The following STXBP6 variants were observed in gnomAD, a reference collection of about 807,000 sequenced individuals.
The protein encoded by STXBP6 is syntaxin binding protein 6.
Under a neutral mutation model 26.9 loss-of-function variants are expected in STXBP6, and 21 were observed. The ratio of observed to expected loss-of-function variants is 0.78; its 90% confidence interval spans 0.55 to 1.12. STXBP6 has a LOEUF of 1.12. STXBP6 is among the 50% of genes most tolerant of loss of function. The pLI is 0.00. For synonymous variants in STXBP6, 97 were observed against 92.6 expected (o/e 1.05, Z -0.27); for missense variants, 232 against 257.9 (o/e 0.90, Z 0.69).
At chr14:24,878,088 T>G (rs1213803798) in intron 2 of STXBP6, among the ~76,000 whole-genome samples, 2 of 152,168 alleles carry the variant, frequency 1.3e-5, no homozygotes, top group African/African-American at 4.8e-5. Flanking sequence ...TTTTTCTTAA[T>G]GGTTTCTAGT....
At chr14:24,980,300 TAAGA>T (rs368277434) in intron 1 of STXBP6, among the ~76,000 whole-genome samples, 291 of 152,334 alleles carry the variant, frequency 1.9e-3, no homozygotes, top group African/African-American at 6.4e-3. Context: ...TAAAAGTGTT[TAAGA>T]AAGAGTTACT....
At chr14:24,994,320 C>T (rs2074546074) in intron 1 of STXBP6, among the ~76,000 whole-genome samples, 1 of 152,138 alleles carries the variant, frequency 6.6e-6, no homozygotes, top group South Asian at 2.1e-4. Context: ...AACTTAATAG[C>T]TCACTAATGC....
At chr14:24,935,850 G>T (rs1422824829) in intron 2 of STXBP6, among the ~76,000 whole-genome samples, 1 of 152,136 alleles carries the variant, frequency 6.6e-6, no homozygotes, top group Non-Finnish European at 1.5e-5. Flanking sequence ...ATCTTTTCCT[G>T]ATGAACACAT....
intron 1 of STXBP6, among the ~76,000 whole-genome samples, chr14:24,990,161 T>G (rs2074429453): frequency 1.3e-5 from 2 of 152,088 alleles, no homozygotes; most frequent in Admixed American, 1.3e-4. Context: ...GTGTAGGAAA[T>G]GAGTTACGAG....
intron 1 of STXBP6, among the ~76,000 whole-genome samples, chr14:25,007,050 A>G (rs2140358853): frequency 6.6e-6 from 1 of 152,320 alleles, no homozygotes; most frequent in South Asian, 2.1e-4. Flanking sequence ...TATGACATAG[A>G]CTTTCATGGT....
Position 24,981,460 on chromosome 14 carries a change from G to A in STXBP6, c.-32-6610C>T, listed in dbSNP as rs532109371. Among the ~76,000 whole-genome samples the A allele has an allele frequency of 5.9e-5, 9 of 152,134 alleles. No individual in the cohort carries two copies. The East Asian group carries it at 1.7e-3, about 29-fold the overall frequency. On this transcript the variant is annotated intron_variant, in intron 1 of 5. Coordinates refer to ENST00000323944, the MANE Select transcript of STXBP6 (RefSeq NM_001394410.1). ...TAATTTTTGTATTTTAGTAGAGATG[G>A]GGTTTCACCATGTTGGCCAGGCTGG...
chr14:24,815,627 C>G (rs2067950987), intron 5 of STXBP6: 1 of 152,080 alleles, frequency 6.6e-6, no homozygotes, highest in Non-Finnish European at 1.5e-5. Context: ...CACACGTAGG[C>G]TAGTGCAAAA....
chr14:24,833,701 T>C (rs2138939497), intron 4 of STXBP6, among the ~76,000 whole-genome samples: 1 of 152,278 alleles, frequency 6.6e-6, no homozygotes, highest in Admixed American at 6.5e-5. Flanking sequence ...TATGCAGCAT[T>C]TTTTTTAATT....
intron 1 of STXBP6, among the ~76,000 whole-genome samples, chr14:24,977,777 C>T (rs950607203): frequency 2.0e-5 from 3 of 152,148 alleles, no homozygotes; most frequent in Admixed American, 2.0e-4. Flanking sequence ...GCAATCTATA[C>T]CAAAGGTATT....
At chr14:24,891,271 C>T (rs1444622263) in intron 2 of STXBP6, among the ~76,000 whole-genome samples, 1 of 152,140 alleles carries the variant, frequency 6.6e-6, no homozygotes, top group African/African-American at 2.4e-5. Flanking sequence ...ACAAAAAGTG[C>T]CTATTTAAAT....
At chr14:24,866,249 C>G (rs1398943472) in intron 2 of STXBP6, among the ~76,000 whole-genome samples, 1 of 152,110 alleles carries the variant, frequency 6.6e-6, no homozygotes, top group African/African-American at 2.4e-5. Flanking sequence ...AATACTGGCT[C>G]CTTCTTGGGC....
chr14:24,870,687 G>A (rs2069896906), intron 2 of STXBP6, among the ~76,000 whole-genome samples: 1 of 151,978 alleles, frequency 6.6e-6, no homozygotes, highest in Non-Finnish European at 1.5e-5. Context: ...TTCTATTCTT[G>A]AAATTTGTCA....
chr14:24,845,072 C>G (rs1452411753), intron 4 of STXBP6, among the ~76,000 whole-genome samples: 3 of 150,406 alleles, frequency 2.0e-5, no homozygotes, highest in Non-Finnish European at 2.9e-5. Context: ...AATGCAGTGG[C>G]GTGATCTCAG....
chr14:24,879,438 T>A (rs1486524287), intron 2 of STXBP6, among the ~76,000 whole-genome samples: 2 of 152,204 alleles, frequency 1.3e-5, no homozygotes, highest in Non-Finnish European at 2.9e-5. Flanking sequence ...ATATTATTGA[T>A]CGAAAGATAA....
chr14:24,880,778 G>A (rs1213098966), intron 2 of STXBP6, among the ~76,000 whole-genome samples: 2 of 152,100 alleles, frequency 1.3e-5, no homozygotes, highest in Non-Finnish European at 1.5e-5. Context: ...ATGATGGATC[G>A]ATTATGTACA....
At chr14:24,894,957 A>G (rs1416747160) in intron 2 of STXBP6, among the ~76,000 whole-genome samples, 1 of 151,232 alleles carries the variant, frequency 6.6e-6, no homozygotes, top group African/African-American at 2.4e-5. Context: ...CACTGGTTTT[A>G]TGATATTTGC....
chr14:24,891,462 T>C (rs761609689), intron 2 of STXBP6, among the ~76,000 whole-genome samples: 3 of 152,160 alleles, frequency 2.0e-5, no homozygotes, highest in Non-Finnish European at 2.9e-5. Flanking sequence ...ACAATTTCAT[T>C]TCACACTAAA....
intron 2 of STXBP6, among the ~76,000 whole-genome samples, chr14:24,930,596 G>T (rs571049316): frequency 6.6e-6 from 1 of 152,268 alleles, no homozygotes; most frequent in South Asian, 2.1e-4. Flanking sequence ...GCCTATGGAG[G>T]TGTTCTGCTG....
chr14:24,868,264 A>C (rs2069795146), intron 2 of STXBP6, among the ~76,000 whole-genome samples: 1 of 152,156 alleles, frequency 6.6e-6, no homozygotes, highest in East Asian at 1.9e-4. Context: ...AAAACTCAAC[A>C]AAAGAAAGCT....
Sources: gnomAD v4.1 joint callset for allele counts (sites outside exome capture counted in the v4.1 genomes callset) on GRCh38, gnomAD v4.1.1 for gene constraint, MANE v1.5 for transcripts, NCBI Gene and HGNC (gene_info 2026-07-23, HGNC 2026-07-21) for gene names.